Variants in SLC2A9 observed in about 807,000 individuals in gnomAD.
SLC2A9 encodes the protein solute carrier family 2 member 9.
In SLC2A9, 39 loss-of-function variants were observed where a neutral mutation model predicts 50.6. The observed-to-expected ratio is 0.77, with a 90% CI of 0.60 to 1.01. The LOEUF is 1.01. SLC2A9 is among the 50% of genes least tolerant of loss of function. The pLI, the probability that SLC2A9 is intolerant of heterozygous loss-of-function variation, is 0.00. For synonymous variants in SLC2A9, 324 were observed against 276.9 expected, an observed-to-expected ratio of 1.17 and a Z score of -1.69; for missense variants, 686 against 677.6, an observed-to-expected ratio of 1.01 and a Z score of -0.14.
chr4:9,944,091 C>G (rs893354211), intron 5 of SLC2A9, among the ~76,000 whole-genome samples: 1 of 152,178 alleles, frequency 6.6e-6, no homozygotes, highest in African/African-American at 2.4e-5. Context: ...GAAGGGCACC[C>G]CCAGCATAGG....
intron 5 of SLC2A9, among the ~76,000 whole-genome samples, chr4:9,954,682 G>T (rs1750899905): frequency 6.6e-6 from 1 of 152,130 alleles, no homozygotes; most frequent in Admixed American, 6.5e-5. Flanking sequence ...GACAAGACCT[G>T]CTTCCTGCTC....
intron 6 of SLC2A9, among the ~76,000 whole-genome samples, chr4:9,926,116 G>A (rs1485353899): frequency 6.6e-6 from 1 of 152,088 alleles, no homozygotes; most frequent in African/African-American, 2.4e-5. Context: ...TACACCTGCT[G>A]AGCCCACACC....
intron 5 of SLC2A9, among the ~76,000 whole-genome samples, chr4:9,957,836 T>A (rs1367016936): frequency 2.0e-5 from 3 of 150,508 alleles, no homozygotes; most frequent in African/African-American, 4.9e-5. Flanking sequence ...CTGCAAGGAG[T>A]TTCAGAGAAA....
At position 9,908,361 on chromosome 4, in the gene SLC2A9, G is replaced by A; in HGVS notation, c.1003-16C>T. Reference sequence around the variant, plus strand: ...AGAACCAAATCTGTAATTCAGGAAAGAATGAGCAGAGAGAATGGTCAGTGG... The same window carrying A: ...AGAACCAAATCTGTAATTCAGGAAAAAATGAGCAGAGAGAATGGTCAGTGG... On this transcript the variant is annotated splice_polypyrimidine_tract_variant and intron_variant, in intron 7 of 11. Transcript: ENST00000264784. The A allele has an allele frequency of 1.3e-6, 2 of 1,538,790 alleles. No homozygotes were observed. Among genetic ancestry groups the A allele is most frequent in the Non-Finnish European group, 1.8e-6 (2 of 1,110,408 alleles).
intron 5 of SLC2A9, among the ~76,000 whole-genome samples, chr4:9,979,619 AGCCCTCT>A (rs1389644997): frequency 6.6e-6 from 1 of 152,022 alleles, no homozygotes; most frequent in Non-Finnish European, 1.5e-5. Flanking sequence ...CAATAGCAGC[AGCCCTCT>A]GCCTCTCTCC....
At chr4:9,998,666 G>A (rs1000525434) in intron 2 of SLC2A9, among the ~76,000 whole-genome samples, 2 of 152,114 alleles carry the variant, frequency 1.3e-5, no homozygotes, top group African/African-American at 4.8e-5. Flanking sequence ...CTGAAAAACT[G>A]TTTCTGGGGA....
chr4:9,980,475 G>C, intron 5 of SLC2A9, 117 bp downstream of exon 5: 1 of 1,362,206 alleles, frequency 7.3e-7, no homozygotes, highest in Non-Finnish European at 1.0e-6. Flanking sequence ...TAATAAGTAA[G>C]AGGCTTGAAT....
chr4:9,848,247 T>C lies in SLC2A9; in HGVS notation c.1292-13239A>G, dbSNP rs1729287155. Among the ~76,000 whole-genome samples the C allele has an allele frequency of 2.0e-5, 3 of 151,832 alleles. No individual in the cohort carries two copies. The East Asian group carries it at 5.8e-4, about 30-fold the overall frequency. Reference sequence around the variant, plus strand: ...CTTCACATGAGCTTGGCTCCCAGTATAGGATAAAGAAGCAATGGCGCCTTT... The same window carrying C: ...CTTCACATGAGCTTGGCTCCCAGTACAGGATAAAGAAGCAATGGCGCCTTT... On this transcript the variant is annotated intron_variant, in intron 10 of 11. Coordinates refer to ENST00000264784, the MANE Select transcript of SLC2A9 (RefSeq NM_020041.3).
chr4:9,995,594 C>G (rs1758505571), intron 3 of SLC2A9: 1 of 152,148 alleles, frequency 6.6e-6, no homozygotes, highest in Non-Finnish European at 1.5e-5. Flanking sequence ...CAACTCACGT[C>G]AATGCAATAA....
intron 2 of SLC2A9, among the ~76,000 whole-genome samples, chr4:10,012,769 C>A (rs1446225846): frequency 1.3e-5 from 2 of 151,898 alleles, no homozygotes; most frequent in Admixed American, 1.3e-4. Flanking sequence ...GTTTGAGGGG[C>A]AGCAAGTGGG....
intron 10 of SLC2A9, among the ~76,000 whole-genome samples, chr4:9,859,679 C>T (rs994130310): frequency 6.6e-6 from 1 of 152,214 alleles, no homozygotes; most frequent in African/African-American, 2.4e-5. Flanking sequence ...CTGTTTCTGA[C>T]TTCTCTTGGA....
chr4:9,813,719 T>C (rs919521026), intron 3 of SLC2A9, among the ~76,000 whole-genome samples: 4 of 152,140 alleles, frequency 2.6e-5, no homozygotes, highest in Non-Finnish European at 4.4e-5. Flanking sequence ...CAGGCTTCTA[T>C]GGAAGTCAAA....
downstream of SLC2A9, chr4:9,779,788 T>C (rs2108839577): frequency 6.6e-6 from 1 of 151,724 alleles, no homozygotes; most frequent in East Asian, 1.9e-4. Context: ...GTATAACCAG[T>C]GGGTAAAACA....
chr4:9,942,126 C>T (rs1361459949), intron 5 of SLC2A9, 81 bp from the exon 6 acceptor site: 14 of 1,568,086 alleles, frequency 8.9e-6, no homozygotes, highest in Middle Eastern at 1.7e-4. Flanking sequence ...CAGGTGGTTT[C>T]GACCCTGCAG....
chr4:9,930,540 A>G (rs1249149742), intron 6 of SLC2A9, among the ~76,000 whole-genome samples: 2 of 152,152 alleles, frequency 1.3e-5, no homozygotes, highest in African/African-American at 4.8e-5. Context: ...GCACTAGGGG[A>G]AGGCTCATGG....
At chr4:9,952,527 T>G (rs1750493286) in intron 5 of SLC2A9, among the ~76,000 whole-genome samples, 1 of 69,910 alleles carries the variant, frequency 1.4e-5, no homozygotes, top group Admixed American at 1.7e-4. Context: ...CTGTCTCAGA[T>G]CTGTCTGTCT....
chr4:10,002,548 T>C (rs1760028579), intron 2 of SLC2A9, among the ~76,000 whole-genome samples: 1 of 152,212 alleles, frequency 6.6e-6, no homozygotes, highest in South Asian at 2.1e-4. Flanking sequence ...AATGGTGCAT[T>C]TATTGATTTA....
intron 2 of SLC2A9, among the ~76,000 whole-genome samples, chr4:9,998,490 T>C (rs952741116): frequency 9.9e-5 from 15 of 152,110 alleles, no homozygotes; most frequent in African/African-American, 3.6e-4. Context: ...CCACATAGAC[T>C]AAAAATTAAA....
chr4:10,037,604 A>C (rs1310879212), intron 1 of SLC2A9, among the ~76,000 whole-genome samples: 1 of 152,222 alleles, frequency 6.6e-6, no homozygotes, highest in Non-Finnish European at 1.5e-5. Context: ...TTAAAAAATA[A>C]AATGAATGAA....
Sources: gnomAD v4.1 joint callset for allele counts (sites outside exome capture counted in the v4.1 genomes callset) on GRCh38, gnomAD v4.1.1 for gene constraint, MANE v1.5 for transcripts, NCBI Gene and HGNC (gene_info 2026-07-23, HGNC 2026-07-21) for gene names.